Variants in USP32 observed in about 807,000 individuals in gnomAD.
The protein encoded by USP32 is ubiquitin specific peptidase 32.
A neutral mutation model predicts 204.8 loss-of-function variants in USP32; 59 were observed. That is an observed-to-expected ratio of 0.29 (90% CI 0.23 to 0.36). The LOEUF (loss-of-function observed/expected upper bound fraction) is 0.36. USP32 is among the 10% of genes least tolerant of loss of function. The probability of loss-of-function intolerance (pLI) is 1.00; values close to 1 mark genes in which losing one functional copy is unlikely to be tolerated. For synonymous variants in USP32, 517 were observed against 678.4 expected (o/e 0.76, Z 3.70); for missense variants, 1,160 against 1,946.4 (o/e 0.60, Z 7.60).
At chr17:60,225,929 G>A (rs1598096699) in intron 13 of USP32, 110 bp downstream of exon 13, 1 of 1,231,772 alleles carries the variant, frequency 8.1e-7, no homozygotes, top group African/African-American at 1.6e-5. Flanking sequence ...GCTCCAGCCT[G>A]GGCAAAATGT....
At position 60,222,541 on chromosome 17, in the gene USP32, T is replaced by C. The variant is rs373889767; in HGVS notation, c.1617A>G (p.Ser539=). Residue 539 remains serine (S), a synonymous_variant, in exon 15 of 34, where the codon TCA becomes TCG. Coordinates refer to ENST00000300896, the MANE Select transcript of USP32 (RefSeq NM_032582.4). The stretch of plus-strand genomic sequence containing the variant: ...TTAATCGTCCTCCTTCTAGTGTTAA[T>C]GATGTAGCCTGAGAAAGAATAGAAT... ...LVTQEPVKAT[S]LTLEGGRLKR... is the part of the protein sequence containing the mutation. The C allele has an allele frequency of 1.2e-6, 2 of 1,613,662 alleles. No homozygotes were observed. Among genetic ancestry groups the C allele is most frequent in the Non-Finnish European group, 1.7e-6 (2 of 1,179,806 alleles).
chr17:60,225,892 T>A, intron 13 of USP32, 147 bp downstream of exon 13: 3 of 772,922 alleles, frequency 3.9e-6, no homozygotes, highest in Non-Finnish European at 5.7e-6. Context: ...AGGTGGAGGT[T>A]GCAGTGAGCA....
intron 5 of USP32, among the ~76,000 whole-genome samples, chr17:60,284,214 CT>C (rs1181309647): frequency 0.12 from 15,297 of 131,952 alleles, 1,390 homozygotes; most frequent in African/African-American, 0.32. Context: ...TTTTTCTTTT[CT>C]TTTTTTTTTT....
intron 29 of USP32, among the ~76,000 whole-genome samples, chr17:60,188,969 C>T (rs2084313363): frequency 6.6e-6 from 1 of 152,194 alleles, no homozygotes; most frequent in Non-Finnish European, 1.5e-5. Flanking sequence ...TAACAGGTCA[C>T]GTAGGCCGTT....
intron 11 of USP32, among the ~76,000 whole-genome samples, chr17:60,248,569 A>T (rs1282863051): frequency 1.3e-5 from 2 of 152,146 alleles, no homozygotes; most frequent in Non-Finnish European, 2.9e-5. Flanking sequence ...TTCTGATGAA[A>T]TAATCTCTAT....
chr17:60,245,430 C>T (rs2085992789), intron 11 of USP32: 2 of 374,572 alleles, frequency 5.3e-6, no homozygotes, highest in Non-Finnish European at 1.0e-5. Flanking sequence ...GCAGCACTTC[C>T]AGCTCCTTGA....
intron 4 of USP32, among the ~76,000 whole-genome samples, chr17:60,293,409 A>G (rs1411296370): frequency 6.6e-6 from 1 of 152,202 alleles, no homozygotes; most frequent in Non-Finnish European, 1.5e-5. Context: ...TTACAAGCAA[A>G]TTTTATTATG....
intron 1 of USP32, among the ~76,000 whole-genome samples, chr17:60,367,729 A>G (rs2089345767): frequency 6.6e-6 from 1 of 152,092 alleles, no homozygotes; most frequent in South Asian, 2.1e-4. Context: ...AATCACTTGA[A>G]CCTGGGAGGC....
At chr17:60,304,786 T>C (rs1359932569) in intron 2 of USP32, 2 of 152,192 alleles carry the variant, frequency 1.3e-5, no homozygotes, top group Admixed American at 6.5e-5. Flanking sequence ...TACGTGACCT[T>C]AGTAATCTAG....
At chr17:60,283,265 T>C (rs1035805007) in intron 5 of USP32, among the ~76,000 whole-genome samples, 16 of 152,228 alleles carry the variant, frequency 1.1e-4, no homozygotes, top group Non-Finnish European at 2.1e-4. Context: ...CAGTGCTCTG[T>C]AGTTGAGGCA....
intron 4 of USP32, among the ~76,000 whole-genome samples, chr17:60,294,362 A>C (rs905249310): frequency 2.7e-5 from 4 of 146,608 alleles, no homozygotes; most frequent in African/African-American, 1.1e-4. Flanking sequence ...CAACATGAGC[A>C]CTGTTTCAGG....
chr17:60,204,529 C>T (rs953551186), intron 26 of USP32, among the ~76,000 whole-genome samples: 4 of 147,376 alleles, frequency 2.7e-5, no homozygotes, highest in Non-Finnish European at 4.4e-5. Context: ...AGTGCTGTGG[C>T]GCAATCTTCG....
At chr17:60,348,121 CAA>C (rs1048705374) in intron 1 of USP32, among the ~76,000 whole-genome samples, 60 of 102,152 alleles carry the variant, frequency 5.9e-4, no homozygotes, top group African/African-American at 2.0e-3. Context: ...GACCCCGTCT[CAA>C]AAAAAAAAAA....
intron 2 of USP32, among the ~76,000 whole-genome samples, chr17:60,320,484 C>T: frequency 6.6e-6 from 1 of 152,198 alleles, no homozygotes; most frequent in East Asian, 1.9e-4. Flanking sequence ...CATCCACACT[C>T]ACTCAGACTG....
chr17:60,269,185 G>C (rs1413350205), intron 7 of USP32, among the ~76,000 whole-genome samples: 2 of 152,104 alleles, frequency 1.3e-5, no homozygotes, highest in Non-Finnish European at 1.5e-5. Flanking sequence ...TAGCTGATCT[G>C]ATTCATTTAT....
At chr17:60,183,006 C>T (rs1218121059) in intron 31 of USP32, among the ~76,000 whole-genome samples, 159 bp downstream of exon 31, 1 of 152,166 alleles carries the variant, frequency 6.6e-6, no homozygotes. Flanking sequence ...GGAGGCTGAA[C>T]CTCTTGCTAA....
rs146867233 is a variant in USP32 at position 60,294,024 on chromosome 17, A to G, written c.411+659T>C. Among the ~76,000 whole-genome samples the G allele has an allele frequency of 7.6e-4, 116 of 152,326 alleles. 2 individuals carry two copies. The East Asian group carries it at 0.021, about 27-fold the overall frequency. On this transcript the variant is annotated intron_variant, in intron 4 of 33. Transcript: ENST00000300896. ...GAATTTTCTATTGTTTAATTTTTCT[A>G]TAAAGACACAATGAAAATATATTAT...
At chr17:60,403,116 A>C (rs1205450394) in intron 1 of USP32, among the ~76,000 whole-genome samples, 1 of 151,664 alleles carries the variant, frequency 6.6e-6, no homozygotes, top group East Asian at 1.9e-4. Flanking sequence ...GGTTTAAATG[A>C]TTCTCCTGCC....
intron 2 of USP32, among the ~76,000 whole-genome samples, chr17:60,341,114 A>G (rs1323288328): frequency 6.6e-6 from 1 of 151,758 alleles, no homozygotes; most frequent in African/African-American, 2.4e-5. Flanking sequence ...TTTTTCCTTC[A>G]TTTCAACCTT....
Sources: gnomAD v4.1 joint callset for allele counts (sites outside exome capture counted in the v4.1 genomes callset) on GRCh38, gnomAD v4.1.1 for gene constraint, MANE v1.5 for transcripts, NCBI Gene and HGNC (gene_info 2026-07-23, HGNC 2026-07-21) for gene names.